The following TSPAN7 variants were observed in gnomAD, a reference collection of about 807,000 sequenced individuals.
TSPAN7 encodes the protein tetraspanin 7.
TSPAN7 carries 1 observed loss-of-function variant against 17.6 expected under a neutral mutation model. The ratio of observed to expected loss-of-function variants is 0.06; its 90% confidence interval spans 0.02 to 0.27. TSPAN7 has a LOEUF of 0.27. Among genes scored for constraint, TSPAN7 ranks in the 10% least tolerant of loss-of-function variants. The pLI, the probability that TSPAN7 is intolerant of heterozygous loss-of-function variation, is 1.00. For missense variants in TSPAN7, 112 were observed against 201.7 expected (o/e 0.56, Z 2.69); for synonymous variants, 78 against 79.0 (o/e 0.99, Z 0.07).
At chrX:38,581,276 T>C (rs917036155) in intron 1 of TSPAN7, among the ~76,000 whole-genome samples, 5 of 112,285 alleles carry the variant, frequency 4.5e-5, no homozygotes, top group African/African-American at 1.6e-4. Context: ...AATAAAGACA[T>C]ACCCGAGACT....
chrX:38,610,985 T>C (rs781234695), intron 1 of TSPAN7, among the ~76,000 whole-genome samples: 32 of 112,030 alleles, frequency 2.9e-4, no homozygotes, highest in Non-Finnish European at 4.7e-4. Flanking sequence ...GAATTTTGAG[T>C]TGAATTCCAA....
intron 1 of TSPAN7, among the ~76,000 whole-genome samples, chrX:38,617,498 A>C (rs1231522846): frequency 1.8e-5 from 2 of 112,802 alleles, no homozygotes; most frequent in Non-Finnish European, 1.9e-5. Context: ...CAACTTATGA[A>C]GTTGCAAAAT....
chrX:38,606,996 A>G (rs1255961327), intron 1 of TSPAN7, among the ~76,000 whole-genome samples: 1 of 111,545 alleles, frequency 9.0e-6, no homozygotes, highest in Non-Finnish European at 1.9e-5. Context: ...AGAAAATAAG[A>G]TAAGGGACTC....
At chrX:38,565,307 G>T (rs2069136327) in intron 1 of TSPAN7, among the ~76,000 whole-genome samples, 1 of 112,044 alleles carries the variant, frequency 8.9e-6, no homozygotes, top group Non-Finnish European at 1.9e-5. Flanking sequence ...TCAGCTCACT[G>T]CAACCTCCGC....
chrX:38,609,966 GATAAAGTTCCATT>G (rs2069409446), intron 1 of TSPAN7, among the ~76,000 whole-genome samples: 1 of 110,099 alleles, frequency 9.1e-6, no homozygotes, highest in Non-Finnish European at 1.9e-5. Flanking sequence ...GCCAGAGCTG[GATAAAGTTCCATT>G]ATAAAAATAA....
At chrX:38,600,367 G>A (rs1022313983) in intron 1 of TSPAN7, among the ~76,000 whole-genome samples, 2 of 111,482 alleles carry the variant, frequency 1.8e-5, no homozygotes, top group African/African-American at 3.3e-5. Context: ...CCTTGATCTT[G>A]TTTTTCTCCC....
chrX:38,573,112 G>T (rs1206014596), intron 1 of TSPAN7, among the ~76,000 whole-genome samples: 1 of 111,619 alleles, frequency 9.0e-6, no homozygotes, highest in Non-Finnish European at 1.9e-5. Flanking sequence ...ATATATTTTG[G>T]AAACATTATT....
chrX:38,675,930 A>G, intron 5 of TSPAN7, 70 bp downstream of exon 5: 1 of 1,092,742 alleles, frequency 9.2e-7, no homozygotes, highest in Non-Finnish European at 1.3e-6. Context: ...ATTTCCATGA[A>G]ATTATGACAA....
chrX:38,583,949 C>CTTTTTTT (rs34777484), intron 1 of TSPAN7, among the ~76,000 whole-genome samples: 31 of 66,945 alleles, frequency 4.6e-4, no homozygotes, highest in Non-Finnish European at 5.9e-4. Flanking sequence ...TTTTTCTTTT[C>CTTTTTTT]TTTTTTTTTT....
chrX:38,569,669 G>C (rs1286362973), intron 1 of TSPAN7, among the ~76,000 whole-genome samples: 1 of 111,546 alleles, frequency 9.0e-6, no homozygotes, highest in Non-Finnish European at 1.9e-5. Context: ...GCTGCCATAA[G>C]ATTTTGCTTT....
chrX:38,589,917 T>C (rs1321838299), intron 1 of TSPAN7, among the ~76,000 whole-genome samples: 1 of 112,419 alleles, frequency 8.9e-6, no homozygotes, highest in African/African-American at 3.2e-5. Context: ...AGGTTGACGT[T>C]AATTTCCATT....
chrX:38,627,332 A>G (rs2069527708), intron 1 of TSPAN7, among the ~76,000 whole-genome samples: 1 of 111,706 alleles, frequency 9.0e-6, no homozygotes, highest in African/African-American at 3.3e-5. Flanking sequence ...TCCAGTAGGC[A>G]TCTGATGGAT....
intron 3 of TSPAN7, among the ~76,000 whole-genome samples, chrX:38,673,014 C>T (rs1263259513): frequency 3.6e-5 from 4 of 112,088 alleles, no homozygotes; most frequent in Non-Finnish European, 7.5e-5. Flanking sequence ...TTAAGTGTAG[C>T]GAAATGAGAT....
intron 1 of TSPAN7, among the ~76,000 whole-genome samples, chrX:38,605,709 A>G (rs1270565659): frequency 1.0e-4 from 11 of 110,408 alleles, no homozygotes; most frequent in Admixed American, 2.9e-4. Context: ...GTACCAAAAC[A>G]GAGATATAGA....
intron 1 of TSPAN7, among the ~76,000 whole-genome samples, chrX:38,610,788 C>A (rs2069413668): frequency 8.9e-6 from 1 of 112,355 alleles, no homozygotes; most frequent in Non-Finnish European, 1.9e-5. Context: ...CAAGTGGAGG[C>A]AGTTTAAGTC....
At chrX:38,655,995 G>C in intron 1 of TSPAN7, 1 of 325,740 alleles carries the variant, frequency 3.1e-6, no homozygotes, top group Non-Finnish European at 6.0e-6. Context: ...CGTTTTTCCA[G>C]ATTCATTCCC....
At chrX:38,666,351 T>G in intron 2 of TSPAN7, 42 bp downstream of exon 2, 1 of 1,175,456 alleles carries the variant, frequency 8.5e-7, no homozygotes, top group Non-Finnish European at 1.2e-6. Context: ...CAACTATATT[T>G]TTGTAAAAAT....
At chrX:38,607,009 GTTC>G (rs1356620617) in intron 1 of TSPAN7, among the ~76,000 whole-genome samples, 2 of 111,443 alleles carry the variant, frequency 1.8e-5, no homozygotes, top group Non-Finnish European at 3.8e-5. Flanking sequence ...AGGGACTCTA[GTTC>G]TTCTTTTACA....
At chrX:38,674,102 C>T in intron 3 of TSPAN7, 119 bp from the exon 4 acceptor site, 1 of 582,640 alleles carries the variant, frequency 1.7e-6, no homozygotes, top group Non-Finnish European at 2.9e-6. Flanking sequence ...CATTGCCTCC[C>T]TGGCCTACAT....
Sources: allele counts gnomAD v4.1 joint callset (sites outside exome capture counted in the v4.1 genomes callset), GRCh38; gene constraint gnomAD v4.1.1; transcripts MANE v1.5; gene names NCBI Gene and HGNC (gene_info 2026-07-23, HGNC 2026-07-21).